Variants in ERC2 observed in about 807,000 individuals in gnomAD.
ERC2 encodes the protein ELKS/RAB6-interacting/CAST family member 2.
ERC2 carries 42 observed loss-of-function variants against 114.8 expected under a neutral mutation model. That is an observed-to-expected ratio of 0.37 (90% CI 0.29 to 0.47). The LOEUF (loss-of-function observed/expected upper bound fraction) is 0.47, where lower values mean the gene tolerates loss of function less well. Among genes scored for constraint, ERC2 ranks in the 20% least tolerant of loss-of-function variants. ERC2 has a pLI of 0.99. For synonymous variants in ERC2, 454 were observed against 425.5 expected, an observed-to-expected ratio of 1.07 and a Z score of -0.82; for missense variants, 939 against 1,150.7, an observed-to-expected ratio of 0.82 and a Z score of 2.66.
intron 14 of ERC2, among the ~76,000 whole-genome samples, chr3:55,748,897 G>A (rs1446178688): frequency 1.3e-5 from 2 of 152,140 alleles, no homozygotes; most frequent in Non-Finnish European, 2.9e-5. Flanking sequence ...AATTTTGTAT[G>A]GTTCAACCCA....
chr3:55,665,538 C>T lies in ERC2; in HGVS notation c.*39+18256G>A, dbSNP rs556110998. 5.7e-4 allele frequency among the ~76,000 whole-genome samples: 86 copies of T among 152,178 alleles called. 2 individuals are homozygous for T. The South Asian group carries it at 0.017, about 30-fold the overall frequency. ...ACAAGGAGACACATGCACTCAACAA[C>T]GCCGGGAGAAAATGAAGACAGAGAT... On this transcript the variant is annotated intron_variant, in intron 17 of 17. Coordinates refer to ENST00000288221, the MANE Select transcript of ERC2 (RefSeq NM_015576.3).
intron 7 of ERC2, among the ~76,000 whole-genome samples, chr3:56,077,535 C>A (rs1391620831): frequency 6.6e-6 from 1 of 152,178 alleles, no homozygotes; most frequent in African/African-American, 2.4e-5. Context: ...AAAACATTTG[C>A]ATTGGCAAAA....
At chr3:55,960,720 G>A (rs769631227) in intron 12 of ERC2, among the ~76,000 whole-genome samples, 9 of 152,200 alleles carry the variant, frequency 5.9e-5, no homozygotes, top group African/African-American at 9.7e-5. Flanking sequence ...CAAGTTGGAC[G>A]AGGATGCTGG....
intron 10 of ERC2, among the ~76,000 whole-genome samples, chr3:56,006,825 T>C (rs1414319143): frequency 1.3e-5 from 2 of 152,136 alleles, no homozygotes; most frequent in East Asian, 1.9e-4. Flanking sequence ...AGTTTATTAA[T>C]ATCTAATGTG....
chr3:55,949,388 T>G (rs1220073724), intron 13 of ERC2, among the ~76,000 whole-genome samples: 1 of 151,816 alleles, frequency 6.6e-6, no homozygotes, highest in African/African-American at 2.4e-5. Flanking sequence ...AAAAAAAAGT[T>G]TTGGGCCCAC....
intron 14 of ERC2, among the ~76,000 whole-genome samples, chr3:55,849,307 TA>T (rs1416069121): frequency 2.0e-5 from 3 of 152,212 alleles, no homozygotes; most frequent in African/African-American, 7.2e-5. Context: ...TGCTGACTCC[TA>T]AAATCCATTT....
intron 2 of ERC2, among the ~76,000 whole-genome samples, chr3:56,346,422 G>T (rs1014587691): frequency 2.0e-5 from 3 of 151,986 alleles, no homozygotes; most frequent in Non-Finnish European, 4.4e-5. Context: ...ATAAGACCTT[G>T]TATTAGTCCA....
At chr3:55,652,537 G>A (rs933809381) in intron 17 of ERC2, among the ~76,000 whole-genome samples, 26 of 152,028 alleles carry the variant, frequency 1.7e-4, no homozygotes, top group African/African-American at 6.3e-4. Flanking sequence ...CCAGGTAAGG[G>A]CTTCATATGC....
At chr3:55,759,480 A>C (rs937810626) in intron 14 of ERC2, among the ~76,000 whole-genome samples, 2 of 147,670 alleles carry the variant, frequency 1.4e-5, no homozygotes, top group African/African-American at 4.9e-5. Context: ...AAAAAAAAAA[A>C]AAAAAAAAAA....
In ERC2 at chr3:56,121,990, T is replaced by C. The variant is rs376379211; in HGVS notation, c.1473+17519A>G. Among the ~76,000 whole-genome samples the C allele has an allele frequency of 5.3e-5, 8 of 152,286 alleles. No homozygotes were observed. The South Asian group carries it at 8.3e-4, about 16-fold the overall frequency. On this transcript the variant is annotated intron_variant, in intron 6 of 17. Transcript: ENST00000288221. ...GGGCAGAGACACACTACTGCACAACTGGCAACTGACAAAGGACTTCACCAA... is the reference window on the plus strand; with the variant it reads ...GGGCAGAGACACACTACTGCACAACCGGCAACTGACAAAGGACTTCACCAA...
At chr3:55,699,330 A>T (rs770261171) in intron 16 of ERC2, 48 bp downstream of exon 16, 2 of 1,608,498 alleles carry the variant, frequency 1.2e-6, no homozygotes, top group South Asian at 2.2e-5. Context: ...ATCTTAAAAT[A>T]TCTAAAGGGT....
chr3:55,639,419 A>ACCAGGACATGAGCCACAGAGAAG (rs1313922539), intron 17 of ERC2, among the ~76,000 whole-genome samples: 1 of 152,168 alleles, frequency 6.6e-6, no homozygotes, highest in Non-Finnish European at 1.5e-5. Context: ...GAGACTGGGG[A>ACCAGGACATGAGCCACAGAGAAG]CCAGGACATG....
chr3:55,567,427 C>T (rs2107507932), intron 17 of ERC2, among the ~76,000 whole-genome samples: 1 of 152,296 alleles, frequency 6.6e-6, no homozygotes, highest in African/African-American at 2.4e-5. Flanking sequence ...TGGAAGTCCT[C>T]ATAAGTCATT....
rs142683812 is a variant in ERC2, at chr3:55,930,259, A to G, written c.2403+20166T>C. Among the ~76,000 whole-genome samples, 611 of 152,188 alleles carry G rather than the reference A, an allele frequency of 4.0e-3. 8 individuals carry two copies. The highest frequency in any genetic ancestry group is 0.014 in the African/African-American group (564 of 41,522). ...GTCTCAAGAAAATAAATAAATAAAT[A>G]AATAAATAAATAACCCAGTCTCAGG... On this transcript the variant is annotated intron_variant, in intron 13 of 17. Transcript: ENST00000288221.
intron 4 of ERC2, among the ~76,000 whole-genome samples, chr3:56,160,916 C>T (rs1421424594): frequency 1.3e-5 from 2 of 152,120 alleles, no homozygotes; most frequent in African/African-American, 2.4e-5. Flanking sequence ...TAATATGATG[C>T]CTCCAGGCTT....
intron 12 of ERC2, among the ~76,000 whole-genome samples, chr3:55,979,566 A>G (rs566199745): frequency 3.3e-4 from 51 of 152,346 alleles, no homozygotes; most frequent in African/African-American, 1.1e-3. Flanking sequence ...AAAGTTACTT[A>G]AAAGCATAAA....
At chr3:56,095,817 C>T (rs2078032688) in intron 6 of ERC2, among the ~76,000 whole-genome samples, 1 of 152,176 alleles carries the variant, frequency 6.6e-6, no homozygotes, top group Admixed American at 6.5e-5. Context: ...ATGGCCAGGA[C>T]ACACTCTGCC....
intron 3 of ERC2, among the ~76,000 whole-genome samples, chr3:56,175,127 C>T (rs992605338): frequency 3.3e-5 from 5 of 152,138 alleles, no homozygotes; most frequent in African/African-American, 4.8e-5. Flanking sequence ...TTGCCAGTGG[C>T]CCAAGAAATC....
intron 7 of ERC2, among the ~76,000 whole-genome samples, chr3:56,023,061 T>C (rs2073825171): frequency 6.6e-6 from 1 of 152,154 alleles, no homozygotes; most frequent in East Asian, 1.9e-4. Flanking sequence ...TCCTTAACTC[T>C]GGGCTTGCAA....
Sources: gnomAD v4.1 joint callset for allele counts (sites outside exome capture counted in the v4.1 genomes callset) on GRCh38, gnomAD v4.1.1 for gene constraint, MANE v1.5 for transcripts, NCBI Gene and HGNC (gene_info 2026-07-23, HGNC 2026-07-21) for gene names.